The following DLC1 variants were observed in gnomAD, a reference collection of about 807,000 sequenced individuals.
DLC1 encodes the protein DLC1 Rho GTPase activating protein.
In DLC1, 54 loss-of-function variants were observed where a neutral mutation model predicts 140.3. The ratio of observed to expected loss-of-function variants is 0.38; its 90% confidence interval spans 0.31 to 0.48. DLC1 has a LOEUF of 0.48. Ranked by LOEUF, DLC1 falls within the 20% of genes least tolerant of loss-of-function variation. The pLI is 0.96. For missense variants in DLC1, 2,536 were observed against 1,907.0 expected (o/e 1.33, Z -6.14); for synonymous variants, 986 against 728.1 (o/e 1.35, Z -5.70).
intron 4 of DLC1, chr8:13,340,615 A>T (rs766045167): frequency 6.6e-6 from 1 of 152,240 alleles, no homozygotes. Context: ...TAATGGATGT[A>T]AATTTCTGCT....
intron 1 of DLC1, among the ~76,000 whole-genome samples, chr8:13,597,889 T>C (rs545306795): frequency 2.0e-5 from 3 of 152,214 alleles, no homozygotes; most frequent in South Asian, 4.1e-4. Flanking sequence ...GTATTATATA[T>C]ACAATAAGGG....
At chr8:13,563,027 C>G (rs1018442084) in intron 1 of DLC1, among the ~76,000 whole-genome samples, 1 of 151,966 alleles carries the variant, frequency 6.6e-6, no homozygotes, top group African/African-American at 2.4e-5. Flanking sequence ...GAAAGATAAT[C>G]GAAAACTCTA....
chr8:13,341,878 C>T (rs544466190), intron 4 of DLC1: 13 of 152,154 alleles, frequency 8.5e-5, no homozygotes, highest in Admixed American at 1.3e-4. Flanking sequence ...CTCTAATCAC[C>T]GGTGAACATG....
chr8:13,375,231 G>A (rs1038996332), intron 4 of DLC1, among the ~76,000 whole-genome samples: 8 of 152,048 alleles, frequency 5.3e-5, no homozygotes, highest in African/African-American at 1.9e-4. Flanking sequence ...GTTTCACTGT[G>A]TTAGCCAGGA....
chr8:13,510,308 G>A (rs1263998916), intron 1 of DLC1, among the ~76,000 whole-genome samples: 1 of 151,854 alleles, frequency 6.6e-6, no homozygotes, highest in African/African-American at 2.4e-5. Context: ...TGAGCAGCTG[G>A]GATTACAGGT....
At chr8:13,209,286 A>G (rs947075552) in intron 5 of DLC1, among the ~76,000 whole-genome samples, 6 of 152,134 alleles carry the variant, frequency 3.9e-5, no homozygotes, top group African/African-American at 1.4e-4. Context: ...AAGATTTTTG[A>G]GAGTCCATGC....
intron 2 of DLC1, among the ~76,000 whole-genome samples, chr8:13,447,457 T>C (rs995328477): frequency 2.0e-5 from 3 of 152,198 alleles, no homozygotes; most frequent in African/African-American, 7.2e-5. Flanking sequence ...TTATCAAATA[T>C]TTTATTGTTA....
In DLC1 at chr8:13,398,968, A is replaced by T. The variant is rs1276523730; in HGVS notation, c.1173+2502T>A. ...TTAAGAGGTAAGGATGCTAAGAGAT[A>T]AGTGCAAGTAAAATTGTTGAATAGC... On this transcript the variant is annotated intron_variant, in intron 3 of 17. Coordinates refer to ENST00000276297, the MANE Select transcript of DLC1 (RefSeq NM_182643.3). Among the ~76,000 whole-genome samples, 3 of 152,160 alleles carry T rather than the reference A, an allele frequency of 2.0e-5. No homozygotes were observed. In the East Asian group the frequency reaches 5.8e-4, roughly 29 times the overall value.
intron 4 of DLC1, among the ~76,000 whole-genome samples, chr8:13,389,902 TGTGTTAGGTAG>T (rs1836675721): frequency 6.6e-6 from 1 of 152,202 alleles, no homozygotes; most frequent in Non-Finnish European, 1.5e-5. Flanking sequence ...TATAGTTTGA[TGTGTTAGGTAG>T]GTGTTCTTAG....
At chr8:13,581,503 C>G (rs1006789176) in intron 1 of DLC1, among the ~76,000 whole-genome samples, 1 of 152,182 alleles carries the variant, frequency 6.6e-6, no homozygotes, top group East Asian at 1.9e-4. Context: ...TGTACTATGT[C>G]CAATCCAACA....
At chr8:13,462,906 C>A (rs1281195637) in intron 2 of DLC1, among the ~76,000 whole-genome samples, 1 of 152,044 alleles carries the variant, frequency 6.6e-6, no homozygotes, top group African/African-American at 2.4e-5. Context: ...ATAGCTACCC[C>A]TATGGTTTTA....
chr8:13,348,490 A>G (rs1834475610), intron 4 of DLC1, among the ~76,000 whole-genome samples: 1 of 152,204 alleles, frequency 6.6e-6, no homozygotes, highest in Admixed American at 6.5e-5. Context: ...AAGTAGATTT[A>G]GGGATGACAA....
Position 13,242,983 on chromosome 8 carries a change from T to G in DLC1, c.1348+62286A>C, listed in dbSNP as rs573957223. ...TGGATCATGGGGTGGATTTCCCCCT[T>G]GTTGTTCTCGTGATGGTGAGTGAGT... On this transcript the variant is annotated intron_variant, in intron 5 of 17. Transcript: ENST00000276297. 6.0e-5 allele frequency among the ~76,000 whole-genome samples: 9 copies of G among 151,030 alleles called. No individual in the cohort carries two copies. In the South Asian group the frequency reaches 1.7e-3, roughly 28 times the overall value.
intron 5 of DLC1, among the ~76,000 whole-genome samples, chr8:13,188,801 G>GTATATATATATATATA (rs1237501850): frequency 1.8e-4 from 13 of 71,878 alleles, no homozygotes; most frequent in Non-Finnish European, 3.2e-4. Flanking sequence ...GTGTGTGTGT[G>GTATATATATATATATA]TATATATATA....
intron 5 of DLC1, among the ~76,000 whole-genome samples, chr8:13,160,462 C>G (rs1485792610): frequency 2.0e-5 from 3 of 152,200 alleles, no homozygotes; most frequent in African/African-American, 7.2e-5. Context: ...ATCATCCCCA[C>G]TGGGCTTTCA....
At chr8:13,410,948 A>G (rs929865634) in intron 2 of DLC1, among the ~76,000 whole-genome samples, 5 of 152,222 alleles carry the variant, frequency 3.3e-5, no homozygotes, top group African/African-American at 1.2e-4. Context: ...AGGAGCCTAA[A>G]TGAAACCCTC....
At chr8:13,290,205 G>C (rs1303756526) in intron 5 of DLC1, among the ~76,000 whole-genome samples, 1 of 152,144 alleles carries the variant, frequency 6.6e-6, no homozygotes. Flanking sequence ...TACACACTTT[G>C]AAGTACCAAA....
chr8:13,150,437 C>G (rs56126101), intron 5 of DLC1, among the ~76,000 whole-genome samples: 51,340 of 151,700 alleles, frequency 0.34, 9,935 homozygotes, highest in East Asian at 0.54. Context: ...TGTAATTACT[C>G]ACTGTATTGC....
chr8:13,351,477 A>T (rs1426460985), intron 4 of DLC1, among the ~76,000 whole-genome samples: 1 of 152,230 alleles, frequency 6.6e-6, no homozygotes, highest in Non-Finnish European at 1.5e-5. Flanking sequence ...CCCAGTTTTG[A>T]TATATCTTGT....
Sources: allele counts gnomAD v4.1 joint callset (sites outside exome capture counted in the v4.1 genomes callset), GRCh38; gene constraint gnomAD v4.1.1; transcripts MANE v1.5; gene names NCBI Gene and HGNC (gene_info 2026-07-23, HGNC 2026-07-21).